Variants in ZNF704 observed in about 807,000 individuals in gnomAD.
ZNF704 encodes glucocorticoid induced gene 1.
A neutral mutation model predicts 44.7 loss-of-function variants in ZNF704; 10 were observed. The ratio of observed to expected loss-of-function variants is 0.22; its 90% CI spans 0.14 to 0.38. The LOEUF (loss-of-function observed/expected upper bound fraction) is 0.38. Among genes scored for constraint, ZNF704 ranks in the 10% least tolerant of loss-of-function variants. The pLI, the probability that ZNF704 is intolerant of heterozygous loss-of-function variation, is 1.00. For missense variants in ZNF704, 390 were observed against 545.5 expected, an observed-to-expected ratio of 0.71 and a Z score of 2.84; for synonymous variants, 211 against 207.6, an observed-to-expected ratio of 1.02 and a Z score of -0.14.
the ZNF704 span, among the ~76,000 whole-genome samples, chr8:80,881,862 A>T: frequency 6.6e-6 from 1 of 152,302 alleles, no homozygotes; most frequent in South Asian, 2.1e-4. Flanking sequence ...TGGGTGGTGG[A>T]GGTTGCAGTG....
At chr8:80,652,437 G>A (rs1343836653) in intron 7 of ZNF704, among the ~76,000 whole-genome samples, 2 of 151,486 alleles carry the variant, frequency 1.3e-5, no homozygotes, top group Admixed American at 6.6e-5. Flanking sequence ...TAATAAAGAA[G>A]AAAAGAGAGA....
At chr8:80,681,486 G>A (rs758247952) in intron 4 of ZNF704, among the ~76,000 whole-genome samples, 19 of 152,108 alleles carry the variant, frequency 1.2e-4, no homozygotes, top group Non-Finnish European at 2.6e-4. Flanking sequence ...TGCCTGTCTG[G>A]GGCTTGGTGG....
At chr8:80,689,248 A>C (rs1818591619) in intron 3 of ZNF704, among the ~76,000 whole-genome samples, 1 of 152,200 alleles carries the variant, frequency 6.6e-6, no homozygotes, top group Admixed American at 6.5e-5. Flanking sequence ...TTTCATAACT[A>C]CCTTTACCTA....
At chr8:80,807,850 C>CCAT (rs1554583493) in intron 2 of ZNF704, among the ~76,000 whole-genome samples, 7 of 151,868 alleles carry the variant, frequency 4.6e-5, no homozygotes, top group African/African-American at 1.2e-4. Flanking sequence ...ATTTTTAAAA[C>CCAT]AAAATGGGCT....
At chr8:80,790,684 G>C (rs1458625353) in intron 2 of ZNF704, among the ~76,000 whole-genome samples, 1 of 152,134 alleles carries the variant, frequency 6.6e-6, no homozygotes, top group African/African-American at 2.4e-5. Flanking sequence ...GGTGGCAGAG[G>C]TCCCGGGGTG....
intron 2 of ZNF704, among the ~76,000 whole-genome samples, chr8:80,769,118 G>GA (rs977606312): frequency 2.6e-5 from 4 of 152,252 alleles, no homozygotes; most frequent in Admixed American, 2.0e-4. Context: ...CAAATCTTTA[G>GA]AGATTCTAAA....
intron 2 of ZNF704, among the ~76,000 whole-genome samples, chr8:80,749,154 C>G (rs554605764): frequency 6.6e-6 from 1 of 152,090 alleles, no homozygotes; most frequent in Non-Finnish European, 1.5e-5. Context: ...CTTCACCTCC[C>G]TAGTAGATCA....
chr8:80,724,532 C>T (rs778227811), intron 2 of ZNF704, among the ~76,000 whole-genome samples: 42 of 152,164 alleles, frequency 2.8e-4, no homozygotes, highest in South Asian at 4.1e-4. Flanking sequence ...TCGATACTCA[C>T]GGATGATTCC....
intron 1 of ZNF704, among the ~76,000 whole-genome samples, chr8:80,856,876 AT>A (rs1808971349): frequency 6.6e-6 from 1 of 152,124 alleles, no homozygotes; most frequent in Non-Finnish European, 1.5e-5. Context: ...TAGCTTGTCA[AT>A]TTCTTACTAA....
rs552346709 is a variant in ZNF704, at chr8:80,873,117, T to C, written c.-22+1454A>G. On this transcript the variant is annotated intron_variant, in intron 1 of 8. Coordinates refer to ENST00000327835, the MANE Select transcript of ZNF704 (RefSeq NM_001033723.3). ...GCTTTCTGGTTTCAATAAGCTTGAA[T>C]AGCCCTCAAAATAAGGAGAAGGGGA... Among the ~76,000 whole-genome samples the C allele has an allele frequency of 1.2e-4, 19 of 152,256 alleles. No homozygotes were observed. The East Asian group carries it at 3.7e-3, about 29-fold the overall frequency.
intron 2 of ZNF704, among the ~76,000 whole-genome samples, chr8:80,727,038 C>T (rs1585983775): frequency 2.0e-5 from 3 of 152,232 alleles, no homozygotes; most frequent in South Asian, 4.1e-4. Context: ...CCCCATTTTA[C>T]AGATGGAGAA....
chr8:80,667,589 C>T (rs920423591), intron 5 of ZNF704, among the ~76,000 whole-genome samples: 8 of 152,224 alleles, frequency 5.3e-5, no homozygotes, highest in Non-Finnish European at 1.0e-4. Flanking sequence ...CTCTTTGTCG[C>T]TTCACTATGA....
At chr8:80,832,646 C>T (rs1808489618) in intron 1 of ZNF704, among the ~76,000 whole-genome samples, 2 of 151,644 alleles carry the variant, frequency 1.3e-5, no homozygotes, top group Admixed American at 6.6e-5. Flanking sequence ...CTTTCTGGGG[C>T]TTTCTGGATA....
intron 7 of ZNF704, chr8:80,645,297 A>T (rs1184939441): frequency 1.4e-5 from 13 of 917,586 alleles, no homozygotes; most frequent in Non-Finnish European, 2.1e-5. Context: ...AAAACCTAGG[A>T]GCCAACGTGG....
intron 1 of ZNF704, among the ~76,000 whole-genome samples, chr8:80,871,032 T>C (rs993454651): frequency 3.3e-5 from 5 of 152,118 alleles, no homozygotes; most frequent in African/African-American, 1.2e-4. Flanking sequence ...AACCAACCCA[T>C]CCACAAGTTC....
At position 80,637,227 on chromosome 8, in the gene ZNF704, T is replaced by C. The variant is rs1025266772; in HGVS notation, c.*4139A>G. ...CCATGTTCATTTGAAAAAAAAATTG[T>C]TCTGACTATAAAAGACTTTAGTGAT... On this transcript the variant is annotated 3_prime_UTR_variant, in exon 9 of 9. Transcript: ENST00000327835. 3 of 152,206 alleles carry C rather than the reference T, an allele frequency of 2.0e-5. No individual in the cohort carries two copies. Among genetic ancestry groups the C allele is most frequent in the Non-Finnish European group, 4.4e-5 (3 of 68,032 alleles). 9.4% of individuals were successfully genotyped at this position (152,206 alleles called of 1,614,324 possible).
At chr8:80,654,269 C>T (rs1817971653) in intron 7 of ZNF704, among the ~76,000 whole-genome samples, 1 of 152,324 alleles carries the variant, frequency 6.6e-6, no homozygotes, top group Middle Eastern at 3.4e-3. Flanking sequence ...CCATTCAGGA[C>T]ATAGGCATGG....
chr8:80,696,321 T>TG (rs1415421641), intron 2 of ZNF704, among the ~76,000 whole-genome samples: 1 of 152,232 alleles, frequency 6.6e-6, no homozygotes, highest in African/African-American at 2.4e-5. Flanking sequence ...CAGCCATACT[T>TG]GAATAGTATG....
At chr8:80,834,921 T>C (rs1808533764) in intron 1 of ZNF704, among the ~76,000 whole-genome samples, 1 of 152,244 alleles carries the variant, frequency 6.6e-6, no homozygotes, top group Non-Finnish European at 1.5e-5. Context: ...ATTTTCTTTA[T>C]CCAGCCTATC....
Sources: gnomAD v4.1 joint callset for allele counts (sites outside exome capture counted in the v4.1 genomes callset) on GRCh38, gnomAD v4.1.1 for gene constraint, MANE v1.5 for transcripts, NCBI Gene and HGNC (gene_info 2026-07-23, HGNC 2026-07-21) for gene names.